The following EML1 variants were observed in gnomAD, a reference collection of about 807,000 sequenced individuals.
EML1 encodes echinoderm microtubule-associated protein-like 1.
In EML1, 27 loss-of-function variants were observed where a neutral mutation model predicts 110.4. The ratio of observed to expected loss-of-function variants is 0.24; its 90% CI spans 0.18 to 0.34. EML1 has a LOEUF of 0.34. Among genes scored for constraint, EML1 ranks in the 10% least tolerant of loss-of-function variants. The pLI is 1.00. For missense variants in EML1, 741 were observed against 1,030.9 expected (o/e 0.72, Z 3.85); for synonymous variants, 344 against 385.8 (o/e 0.89, Z 1.27).
intron 17 of EML1, among the ~76,000 whole-genome samples, chr14:99,931,172 A>G (rs2060360533): frequency 6.6e-6 from 1 of 152,094 alleles, no homozygotes; most frequent in African/African-American, 2.4e-5. Context: ...CAAAATTACA[A>G]TCAGTGTGCC....
At chr14:99,757,461 C>T (rs558666257) in intron 1 of EML1, among the ~76,000 whole-genome samples, 7 of 152,288 alleles carry the variant, frequency 4.6e-5, no homozygotes, top group Admixed American at 3.9e-4. Context: ...CGCTTGTGCA[C>T]ATCTAGGAGC....
At chr14:99,783,565 A>G (rs1231690158) in intron 1 of EML1, among the ~76,000 whole-genome samples, 2 of 149,852 alleles carry the variant, frequency 1.3e-5, no homozygotes, top group African/African-American at 2.5e-5. Context: ...GCTCACTGCA[A>G]CCTCCACCTC....
At chr14:99,809,984 A>G (rs908226839) in intron 1 of EML1, among the ~76,000 whole-genome samples, 1 of 152,188 alleles carries the variant, frequency 6.6e-6, no homozygotes, top group Non-Finnish European at 1.5e-5. Context: ...GTATAACCAG[A>G]CAGCCGAGCC....
chr14:99,808,074 G>C (rs1367994164), intron 1 of EML1, among the ~76,000 whole-genome samples: 2 of 152,100 alleles, frequency 1.3e-5, no homozygotes, highest in Non-Finnish European at 2.9e-5. Context: ...ATCTGTCCCG[G>C]ATTACTTGGT....
At chr14:99,848,494 A>G (rs1456963837) in intron 1 of EML1, among the ~76,000 whole-genome samples, 1 of 152,180 alleles carries the variant, frequency 6.6e-6, no homozygotes, top group Non-Finnish European at 1.5e-5. Context: ...ATTTTTGCCA[A>G]TTAAAATAAA....
At chr14:99,770,906 T>A (rs1434366333), upstream of EML1, among the ~76,000 whole-genome samples, 1 of 148,808 alleles carries the variant, frequency 6.7e-6, no homozygotes, top group Non-Finnish European at 1.5e-5. Context: ...TGCCTCAGCC[T>A]CCCGAGTAGC....
chr14:99,918,948 T>C (rs546544018), intron 16 of EML1, among the ~76,000 whole-genome samples: 1 of 152,204 alleles, frequency 6.6e-6, no homozygotes, highest in Non-Finnish European at 1.5e-5. Context: ...ACACACCGGA[T>C]GGTGGGTCTG....
intron 4 of EML1, among the ~76,000 whole-genome samples, 161 bp downstream of exon 4, chr14:99,878,780 T>C (rs961204750): frequency 1.3e-5 from 2 of 152,050 alleles, no homozygotes; most frequent in Non-Finnish European, 2.9e-5. Flanking sequence ...CAAACAGCCA[T>C]TTGAGGGCAG....
At chr14:99,749,039 G>A (rs2057145177) in intron 1 of EML1, among the ~76,000 whole-genome samples, 1 of 152,168 alleles carries the variant, frequency 6.6e-6, no homozygotes, top group South Asian at 2.1e-4. Flanking sequence ...GATATACCAT[G>A]TTTCACTCGT....
intron 4 of EML1, among the ~76,000 whole-genome samples, chr14:99,889,168 G>A (rs1254109651): frequency 6.6e-6 from 1 of 152,178 alleles, no homozygotes; most frequent in Non-Finnish European, 1.5e-5. Context: ...GGGTGGGTGT[G>A]TAGTGAGGTC....
intron 8 of EML1, 106 bp downstream of exon 8, chr14:99,898,408 A>G (rs1289861014): frequency 9.0e-7 from 1 of 1,116,982 alleles, no homozygotes; most frequent in African/African-American, 1.6e-5. Flanking sequence ...TAATTATGGT[A>G]TCTGAAAACT....
chr14:99,870,002 C>T (rs991165811), intron 3 of EML1, among the ~76,000 whole-genome samples: 12 of 152,220 alleles, frequency 7.9e-5, no homozygotes, highest in African/African-American at 2.7e-4. Context: ...ATTACCCAGC[C>T]TTGGGCATTC....
intron 2 of EML1, among the ~76,000 whole-genome samples, chr14:99,861,611 A>G (rs948984281): frequency 1.3e-5 from 2 of 152,036 alleles, no homozygotes; most frequent in African/African-American, 4.8e-5. Context: ...CATCCTTAGT[A>G]GCTGGGATGA....
chr14:99,749,114 A>G (rs529555660), intron 1 of EML1, among the ~76,000 whole-genome samples: 6 of 152,312 alleles, frequency 3.9e-5, no homozygotes, highest in African/African-American at 9.6e-5. Flanking sequence ...TAACGCTGCT[A>G]TGAACACTCG....
At chr14:99,771,711 C>T (rs187505653), upstream of EML1, among the ~76,000 whole-genome samples, 629 of 152,284 alleles carry the variant, frequency 4.1e-3, 4 homozygotes, top group African/African-American at 0.014. Flanking sequence ...ACCTGGGAGG[C>T]TGAGGTGGGA....
intron 1 of EML1, among the ~76,000 whole-genome samples, chr14:99,762,705 G>A (rs2057327495): frequency 6.6e-6 from 1 of 152,130 alleles, no homozygotes; most frequent in Admixed American, 6.5e-5. Flanking sequence ...AGGCTGAGGT[G>A]GGAGGTTCAC....
rs540988038 is a variant in EML1 at position 99,839,331 on chromosome 14, T to C, written c.68-11522T>C. ...TGGGGGCTATTGATTTGATCCCTCA[T>C]CTGTGTTCCTACATTTCTGTTATGG... On this transcript the variant is annotated intron_variant, in intron 1 of 21. Coordinates refer to ENST00000262233, the MANE Select transcript of EML1 (RefSeq NM_004434.3). Among the ~76,000 whole-genome samples, 8 of 152,312 alleles carry C rather than the reference T, an allele frequency of 5.3e-5. No individual in the cohort carries two copies. In the South Asian group the frequency reaches 1.7e-3, roughly 32 times the overall value.
intron 1 of EML1, among the ~76,000 whole-genome samples, chr14:99,759,734 A>G (rs2140185223): frequency 6.6e-6 from 1 of 152,316 alleles, no homozygotes; most frequent in East Asian, 1.9e-4. Flanking sequence ...TGTGCTGCGC[A>G]GGCTGAGCTG....
chr14:99,809,418 T>C, intron 1 of EML1: 1 of 280,136 alleles, frequency 3.6e-6, no homozygotes. Context: ...CTGCTGACTT[T>C]GCAGTAGCGC....
Sources: gnomAD v4.1 joint callset for allele counts (sites outside exome capture counted in the v4.1 genomes callset) on GRCh38, gnomAD v4.1.1 for gene constraint, MANE v1.5 for transcripts, NCBI Gene and HGNC (gene_info 2026-07-23, HGNC 2026-07-21) for gene names.